The following KIF1B variants were observed in gnomAD, a reference collection of about 807,000 sequenced individuals.
The protein encoded by KIF1B is kinesin family member 1B.
A neutral mutation model predicts 241.9 loss-of-function variants in KIF1B; 76 were observed. The ratio of observed to expected loss-of-function variants is 0.31; its 90% CI spans 0.26 to 0.38. The LOEUF is 0.38. Among genes scored for constraint, KIF1B ranks in the 10% least tolerant of loss-of-function variants. The pLI, the probability that KIF1B is intolerant of heterozygous loss-of-function variation, is 1.00. For missense variants in KIF1B, 1,622 were observed against 2,271.4 expected (o/e 0.71, Z 5.81); for synonymous variants, 750 against 796.7 (o/e 0.94, Z 0.99).
Position 10,210,674 on chromosome 1 carries a change from T to G in KIF1B, c.-284T>G, listed in dbSNP as rs1646680386. On this transcript the variant is annotated 5_prime_UTR_variant, in exon 1 of 49. Transcript: ENST00000676179. The surrounding 1 kb of genome is among the most constrained non-coding windows in gnomAD (Gnocchi z 4.1). The stretch of plus-strand genomic sequence containing the variant: ...GTCGCCGCGCCCTGGCCTCCCGCAC[T>G]CGCGCACTCCTGTCCGCCGCCCACC... The G allele has an allele frequency of 6.6e-6, 1 of 152,180 alleles. No homozygotes were observed. The highest frequency in any genetic ancestry group is 1.5e-5 in the Non-Finnish European group (1 of 68,448). 9.4% of individuals were successfully genotyped at this position (152,180 alleles called of 1,614,324 possible).
chr1:10,304,701 T>A, intron 22 of KIF1B: 1 of 1,604,432 alleles, frequency 6.2e-7, no homozygotes, highest in Non-Finnish European at 8.5e-7. Flanking sequence ...CAGTGTTAGC[T>A]CATGATTTGA....
intron 1 of KIF1B, among the ~76,000 whole-genome samples, chr1:10,217,346 T>TTTC (rs201831859): frequency 1.4e-5 from 2 of 147,270 alleles, no homozygotes. Context: ...TCTTTTTCTT[T>TTTC]TTTTTTTTTT....
intron 34 of KIF1B, among the ~76,000 whole-genome samples, chr1:10,345,143 G>A (rs1260227626): frequency 6.6e-6 from 1 of 152,042 alleles, no homozygotes; most frequent in Admixed American, 6.6e-5. Flanking sequence ...GCAGTGAGCC[G>A]AGATCACGCC....
intron 38 of KIF1B, among the ~76,000 whole-genome samples, 155 bp downstream of exon 38, chr1:10,352,891 C>A (rs1465934948): frequency 6.6e-6 from 1 of 152,132 alleles, no homozygotes; most frequent in Non-Finnish European, 1.5e-5. Flanking sequence ...TCTTCACCTG[C>A]CTGCTGTACT....
chr1:10,238,706 AAAC>A (rs146414281), intron 2 of KIF1B, among the ~76,000 whole-genome samples: 8,856 of 150,632 alleles, frequency 0.059, 274 homozygotes, highest in Middle Eastern at 0.11. Flanking sequence ...CCCCATCCAA[AAAC>A]AACAACAACA....
chr1:10,255,561 G>A (rs569682811), intron 2 of KIF1B, among the ~76,000 whole-genome samples: 23 of 152,266 alleles, frequency 1.5e-4, no homozygotes, highest in African/African-American at 5.3e-4. Flanking sequence ...CTGCACTCCA[G>A]CTTGGGGAAT....
At chr1:10,261,713 G>A (rs1569613149) in intron 4 of KIF1B, among the ~76,000 whole-genome samples, 192 bp from the exon 5 acceptor site, 1 of 152,136 alleles carries the variant, frequency 6.6e-6, no homozygotes, top group Non-Finnish European at 1.5e-5. Context: ...GCAGTCCATC[G>A]TTGACCGAAT....
Position 10,376,807 on chromosome 1 carries a change from G to C in KIF1B, c.*220G>C. ...CTGAGAATCTCGTTAGTAGCATGTG[G>C]CCTAACAAAAGGAAAAAATGTTTTT... On this transcript the variant is annotated 3_prime_UTR_variant, in exon 49 of 49. Coordinates refer to ENST00000676179, the MANE Select transcript of KIF1B (RefSeq NM_001365951.3). The C allele has an allele frequency of 1.8e-6, 1 of 542,496 alleles. No homozygotes were observed. The highest frequency in any genetic ancestry group is 2.9e-5 in the Admixed American group (1 of 34,880). 33.6% of individuals were successfully genotyped at this position (542,496 alleles called of 1,614,324 possible). A position where few individuals can be genotyped will look rare whatever the true frequency, so the allele number is the denominator to read the frequency against.
At chr1:10,340,544 A>T (rs1555849) in intron 32 of KIF1B, among the ~76,000 whole-genome samples, 4 of 152,022 alleles carry the variant, frequency 2.6e-5, no homozygotes, top group African/African-American at 9.7e-5. Flanking sequence ...TGAAGCATAG[A>T]GCAATTAAAG....
intron 37 of KIF1B, among the ~76,000 whole-genome samples, chr1:10,352,051 T>G (rs1176167735): frequency 6.8e-6 from 1 of 146,904 alleles, no homozygotes; most frequent in African/African-American, 2.7e-5. Flanking sequence ...TGGAATGGAT[T>G]GGAACGGGGA....
At chr1:10,349,750 G>A (rs1167512421) in intron 37 of KIF1B, among the ~76,000 whole-genome samples, 2 of 152,054 alleles carry the variant, frequency 1.3e-5, no homozygotes, top group South Asian at 2.1e-4. Context: ...GCTAGATAGT[G>A]TAAACTTTAG....
At chr1:10,219,756 T>A (rs900459054) in intron 1 of KIF1B, among the ~76,000 whole-genome samples, 3 of 148,482 alleles carry the variant, frequency 2.0e-5, no homozygotes, top group African/African-American at 7.5e-5. Context: ...GAAACTCACC[T>A]CAAAAAAATA....
Position 10,291,073 on chromosome 1 carries a change from C to T in KIF1B, c.1435-9C>T, listed in dbSNP as rs200798756. 1.6e-5 allele frequency: 26 copies of T among 1,611,060 alleles called. No homozygotes were observed. The highest frequency in any genetic ancestry group is 3.3e-4 in the Middle Eastern group (2 of 6,056). On this transcript the variant is annotated splice_polypyrimidine_tract_variant and intron_variant, in intron 15 of 48. Transcript: ENST00000676179. ...CTTTGCCTCTTTAACTGTGCGCTTCCTTCCTTAGGAATCAGAGAAGATCAT... is the reference window on the plus strand; with the variant it reads ...CTTTGCCTCTTTAACTGTGCGCTTCTTTCCTTAGGAATCAGAGAAGATCAT...
At chr1:10,376,403 C>G (rs982901137) in intron 48 of KIF1B, 142 bp from the exon 49 acceptor site, 5 of 808,838 alleles carry the variant, frequency 6.2e-6, no homozygotes, top group Admixed American at 5.2e-5. Flanking sequence ...TCACAGGGTC[C>G]CGGAGTAGAC....
rs1157665807 is a variant in KIF1B at position 10,303,474 on chromosome 1, C to G, written c.2115+6228C>G. The G allele has an allele frequency of 2.5e-6, 4 of 1,614,046 alleles. No homozygotes were observed. Among genetic ancestry groups the G allele is most frequent in the Non-Finnish European group, 3.4e-6 (4 of 1,180,056 alleles). ...GTCGGCAGGAGATTGAAGCCCTGGC[C>G]ATTGTCAAGATGAAGGAGCTTTGTG... On this transcript the variant is annotated intron_variant, in intron 22 of 48. Coordinates refer to ENST00000676179, the MANE Select transcript of KIF1B (RefSeq NM_001365951.3). The surrounding 1 kb of genome is among the most constrained non-coding windows in gnomAD (Gnocchi z 5.2).
chr1:10,311,215 CTTT>C (rs201700385), intron 22 of KIF1B, among the ~76,000 whole-genome samples: 3 of 136,946 alleles, frequency 2.2e-5, no homozygotes, highest in Non-Finnish European at 3.2e-5. Context: ...ACCTCCCATT[CTTT>C]TTTTTTTTTT....
At chr1:10,298,685 A>T (rs1650386646) in intron 22 of KIF1B, among the ~76,000 whole-genome samples, 1 of 152,200 alleles carries the variant, frequency 6.6e-6, no homozygotes, top group Non-Finnish European at 1.5e-5. Flanking sequence ...TGAGAGATCA[A>T]ATGAGGACAG....
intron 2 of KIF1B, among the ~76,000 whole-genome samples, chr1:10,248,091 C>T (rs912979117): frequency 1.3e-5 from 2 of 152,320 alleles, no homozygotes; most frequent in South Asian, 4.1e-4. Flanking sequence ...GGGCCCCCTG[C>T]TCTACAGCAT....
At chr1:10,274,609 A>G (rs963106639) in intron 10 of KIF1B, among the ~76,000 whole-genome samples, 6 of 152,312 alleles carry the variant, frequency 3.9e-5, no homozygotes, top group Admixed American at 1.3e-4. Context: ...AACCCAACCA[A>G]TGACATGGTG....
Sources: gnomAD v4.1 joint callset for allele counts (sites outside exome capture counted in the v4.1 genomes callset) on GRCh38, gnomAD v4.1.1 for gene constraint, Gnocchi (gnomAD v3.1) non-coding constraint, MANE v1.5 for transcripts, NCBI Gene and HGNC (gene_info 2026-07-23, HGNC 2026-07-21) for gene names.